Variants in FNBP1L observed in about 807,000 individuals in gnomAD.
FNBP1L encodes the protein formin-binding protein 1-like.
In FNBP1L, 36 loss-of-function variants were observed where a neutral mutation model predicts 91.2. The observed-to-expected ratio is 0.39, with a 90% confidence interval of 0.30 to 0.52. The LOEUF (loss-of-function observed/expected upper bound fraction) is 0.52. Among genes scored for constraint, FNBP1L ranks in the 20% least tolerant of loss-of-function variants. The pLI is 0.66. For synonymous variants in FNBP1L, 242 were observed against 237.0 expected (o/e 1.02, Z -0.19); for missense variants, 571 against 732.1 (o/e 0.78, Z 2.54).
intron 1 of FNBP1L, among the ~76,000 whole-genome samples, chr1:93,496,058 C>T (rs947366088): frequency 4.6e-5 from 7 of 152,128 alleles, no homozygotes; most frequent in African/African-American, 1.7e-4. Flanking sequence ...AGTTTCAGAC[C>T]AAAGTCAGTA....
Position 93,534,683 on chromosome 1 carries a change from A to T in FNBP1L, c.787-22A>T, listed in dbSNP as rs143956405. ...ATTATGAGCAAGTGAAACAGTTTTA[A>T]AACCTAGTTTCTTTTGTATAGGACT... On this transcript the variant is annotated intron_variant, in intron 8 of 16. Transcript: ENST00000271234. The T allele has an allele frequency of 7.2e-5, 109 of 1,523,338 alleles. No individual in the cohort carries two copies. The East Asian group carries it at 1.5e-3, about 21-fold the overall frequency. The allele number at this position is 1,523,338 out of a possible 1,614,324, so 94.4% of individuals were successfully genotyped here. A position where few individuals can be genotyped will look rare whatever the true frequency, so the allele number is the denominator to read the frequency against.
chr1:93,503,087 ATAT>A lies in FNBP1L; in HGVS notation c.140+3508_140+3510del, dbSNP rs573656458. Among the ~76,000 whole-genome samples, 65 of 152,212 alleles carry A rather than the reference ATAT, an allele frequency of 4.3e-4. 1 individual carries two copies. Among genetic ancestry groups the A allele is most frequent in the Admixed American group, 1.4e-3 (21 of 15,284 alleles). On this transcript the variant is annotated intron_variant, in intron 2 of 16. Transcript: ENST00000271234. The stretch of plus-strand genomic sequence containing the variant: ...AGCACTTTTTTTTTTCTCCTAAATA[ATAT>A]TATATTAGTCCATTCTCACGCTGCT...
At chr1:93,512,871 G>GC (rs1312886795) in intron 2 of FNBP1L, among the ~76,000 whole-genome samples, 1 of 151,914 alleles carries the variant, frequency 6.6e-6, no homozygotes, top group Admixed American at 6.6e-5. Context: ...AACTAGAAAA[G>GC]CAAGAGCAAA....
intron 1 of FNBP1L, among the ~76,000 whole-genome samples, chr1:93,495,910 T>C (rs116438993): frequency 0.012 from 1,903 of 152,354 alleles, 16 homozygotes; most frequent in Non-Finnish European, 0.019. Flanking sequence ...CAGAAATCTT[T>C]TACTTGTTGT....
intron 1 of FNBP1L, among the ~76,000 whole-genome samples, chr1:93,470,707 T>C (rs1390209367): frequency 6.6e-6 from 1 of 151,988 alleles, no homozygotes; most frequent in African/African-American, 2.4e-5. Context: ...ACCCCATCTC[T>C]ACTAAACATA....
At chr1:93,495,277 A>G (rs1670225609) in intron 1 of FNBP1L, among the ~76,000 whole-genome samples, 1 of 152,228 alleles carries the variant, frequency 6.6e-6, no homozygotes, top group Non-Finnish European at 1.5e-5. Context: ...GATTGTTTCA[A>G]TAATGAATAA....
chr1:93,478,614 C>T (rs1262306266), intron 1 of FNBP1L, among the ~76,000 whole-genome samples: 1 of 152,064 alleles, frequency 6.6e-6, no homozygotes, highest in Non-Finnish European at 1.5e-5. Context: ...GGTATGAAGC[C>T]TTGAGTACAG....
At chr1:93,480,530 A>G (rs1003943703) in intron 1 of FNBP1L, among the ~76,000 whole-genome samples, 6 of 151,672 alleles carry the variant, frequency 4.0e-5, no homozygotes, top group African/African-American at 1.5e-4. Context: ...GTGTCTTCCT[A>G]CTTTCTTGCT....
chr1:93,473,423 GT>G (rs1669374962), intron 1 of FNBP1L, among the ~76,000 whole-genome samples: 1 of 151,998 alleles, frequency 6.6e-6, no homozygotes, highest in Admixed American at 6.6e-5. Context: ...GTTAACTTTT[GT>G]CATGTAAAGC....
intron 1 of FNBP1L, among the ~76,000 whole-genome samples, chr1:93,454,468 G>T (rs1238300207): frequency 6.6e-6 from 1 of 152,110 alleles, no homozygotes; most frequent in African/African-American, 2.4e-5. Context: ...GAATACTTTG[G>T]TGGCAGGAGG....
chr1:93,530,978 A>G (rs896720384), intron 7 of FNBP1L, 95 bp downstream of exon 7: 1 of 992,322 alleles, frequency 1.0e-6, no homozygotes, highest in Non-Finnish European at 1.4e-6. Flanking sequence ...TTCTAGATTC[A>G]CTAGACATCA....
Position 93,468,922 on chromosome 1 carries a change from A to G in FNBP1L, c.24+20617A>G, listed in dbSNP as rs540399569. On this transcript the variant is annotated intron_variant, in intron 1 of 16. Coordinates refer to ENST00000271234, the MANE Select transcript of FNBP1L (RefSeq NM_001164473.3). Reference sequence around the variant, plus strand: ...TATATCCTTGCCAACGGTTGATATCATCTGAATTTTTGGTTATAGCCATCA... The same window carrying G: ...TATATCCTTGCCAACGGTTGATATCGTCTGAATTTTTGGTTATAGCCATCA... Among the ~76,000 whole-genome samples, 53 of 152,280 alleles carry G rather than the reference A, an allele frequency of 3.5e-4. No homozygotes were observed. The South Asian group carries it at 4.4e-3, about 13-fold the overall frequency.
chr1:93,482,562 TTACAA>T (rs1346878180), intron 1 of FNBP1L, among the ~76,000 whole-genome samples: 1 of 152,152 alleles, frequency 6.6e-6, no homozygotes, highest in Non-Finnish European at 1.5e-5. Context: ...ATGTATTCAT[TTACAA>T]TACTGTGCAT....
intron 1 of FNBP1L, among the ~76,000 whole-genome samples, chr1:93,482,221 A>C (rs1172443365): frequency 2.0e-5 from 3 of 152,120 alleles, no homozygotes; most frequent in African/African-American, 4.8e-5. Context: ...AGCACAACCC[A>C]AAAAATTTTT....
At position 93,538,193 on chromosome 1, in the gene FNBP1L, G is replaced by A. The variant is rs374791499; in HGVS notation, c.1149+1703G>A. Among the ~76,000 whole-genome samples the A allele has an allele frequency of 2.2e-4, 33 of 148,396 alleles. No homozygotes were observed. In the South Asian group the frequency reaches 5.9e-3, roughly 27 times the overall value. ...AGATGCGAGGTAAGTGTAATTCTAA[G>A]GAAAAAAAAAACTCAGGCAATTAGA... On this transcript the variant is annotated intron_variant, in intron 10 of 16. Coordinates refer to ENST00000271234, the MANE Select transcript of FNBP1L (RefSeq NM_001164473.3).
chr1:93,529,719 A>G lies in FNBP1L; in HGVS notation c.473A>G (p.Asp158Gly), dbSNP rs1227672961. 6.5e-7 allele frequency: 1 copy of G among 1,531,404 alleles called. No homozygotes were observed. The highest frequency in any genetic ancestry group is 2.2e-5 in the Admixed American group (1 of 44,476). 94.9% of individuals were successfully genotyped at this position (1,531,404 alleles called of 1,614,324 possible). Residue 158 changes from aspartate (D) to glycine (G), a missense_variant, in exon 6 of 17, where the codon GAT becomes GGT. Coordinates refer to ENST00000271234, the MANE Select transcript of FNBP1L (RefSeq NM_001164473.3). ...GCACAACAGAGTTATGAAAGATTGG[A>G]TAATGATACTAATGCAACCAAGGCA... ...EKAQQSYERLDNDTNATKADV... is the reference protein window; with the variant it reads ...EKAQQSYERLGNDTNATKADV...
In FNBP1L at chr1:93,466,646, G is replaced by A. The variant is rs547811304; in HGVS notation, c.24+18341G>A. ...GAGGTCAGGTAGCGTCATGCCTCCA[G>A]CTTTGTTCTTTTTGCTTAGGATTGT... On this transcript the variant is annotated intron_variant, in intron 1 of 16. Transcript: ENST00000271234. Among the ~76,000 whole-genome samples the A allele has an allele frequency of 5.3e-5, 8 of 152,254 alleles. No homozygotes were observed. The East Asian group carries it at 1.5e-3, about 29-fold the overall frequency.
At chr1:93,513,399 A>C (rs1030938102) in intron 2 of FNBP1L, among the ~76,000 whole-genome samples, 1 of 151,896 alleles carries the variant, frequency 6.6e-6, no homozygotes, top group African/African-American at 2.4e-5. Flanking sequence ...AAAAGAGGGA[A>C]TCCTCCCTAA....
At chr1:93,549,006 C>T (rs2101776398) in intron 14 of FNBP1L, among the ~76,000 whole-genome samples, 1 of 151,864 alleles carries the variant, frequency 6.6e-6, no homozygotes, top group East Asian at 1.9e-4. Flanking sequence ...ATGTCTAGAC[C>T]GAGTGATAGT....
Sources: allele counts gnomAD v4.1 joint callset (sites outside exome capture counted in the v4.1 genomes callset), GRCh38; gene constraint gnomAD v4.1.1; transcripts MANE v1.5; gene names NCBI Gene and HGNC (gene_info 2026-07-23, HGNC 2026-07-21).